CCDC73: variants seen among roughly 807,000 people sequenced by gnomAD.
The protein encoded by CCDC73 is coiled-coil domain-containing protein 73.
In CCDC73, 95 loss-of-function variants were observed where a neutral mutation model predicts 116.5. The observed-to-expected ratio is 0.82, with a 90% CI of 0.69 to 0.97. The LOEUF (loss-of-function observed/expected upper bound fraction) is 0.97, where lower values mean the gene tolerates loss of function less well. Among genes scored for constraint, CCDC73 ranks in the 50% least tolerant of loss-of-function variants. The pLI is 0.00. For synonymous variants in CCDC73, 398 were observed against 401.3 expected (o/e 0.99, Z 0.10); for missense variants, 1,066 against 1,206.8 (o/e 0.88, Z 1.73).
intron 2 of CCDC73, among the ~76,000 whole-genome samples, chr11:32,755,540 TATATATATATATATATATATATGTAC>T (rs1850326075): frequency 9.1e-6 from 1 of 109,520 alleles, no homozygotes; most frequent in Non-Finnish European, 1.8e-5. Context: ...TCTCAAAATA[TATATATATATATATATATATATGTAC>T]ATATATATCC....
At chr11:32,677,268 C>T (rs1300979964) in intron 7 of CCDC73, among the ~76,000 whole-genome samples, 1 of 152,168 alleles carries the variant, frequency 6.6e-6, no homozygotes, top group Non-Finnish European at 1.5e-5. Flanking sequence ...CCACTATTTA[C>T]TTTATTGAAA....
At chr11:32,806,004 CA>C in the CCDC73 span, among the ~76,000 whole-genome samples, 1 of 152,186 alleles carries the variant, frequency 6.6e-6, no homozygotes, top group Admixed American at 6.5e-5. Context: ...TAGCTAATTC[CA>C]AATCTGTGGT....
chr11:32,664,469 G>A (rs765067459), intron 9 of CCDC73, among the ~76,000 whole-genome samples: 2 of 152,188 alleles, frequency 1.3e-5, no homozygotes, highest in African/African-American at 4.8e-5. Context: ...TATTTGCGTA[G>A]AGGTGTTTAT....
chr11:32,757,801 T>C (rs1850356738), intron 2 of CCDC73, among the ~76,000 whole-genome samples: 1 of 152,204 alleles, frequency 6.6e-6, no homozygotes, highest in Non-Finnish European at 1.5e-5. Context: ...CCCTCTTATA[T>C]GAATGCTTAT....
At chr11:32,684,042 T>TTTTG (rs3981867) in intron 6 of CCDC73, among the ~76,000 whole-genome samples, 86,000 of 150,836 alleles carry the variant, frequency 0.57, 24,862 homozygotes, top group East Asian at 0.84. Flanking sequence ...TACTACCAGG[T>TTTTG]TTTGTTTGTT....
At chr11:32,742,177 A>G (rs1027504611) in intron 2 of CCDC73, among the ~76,000 whole-genome samples, 1 of 152,190 alleles carries the variant, frequency 6.6e-6, no homozygotes, top group Non-Finnish European at 1.5e-5. Context: ...TATGCCCAGT[A>G]ATGGCATGGC....
chr11:32,765,266 TAA>T (rs1850430621), intron 1 of CCDC73, among the ~76,000 whole-genome samples: 1 of 152,196 alleles, frequency 6.6e-6, no homozygotes, highest in African/African-American at 2.4e-5. Flanking sequence ...CAAGTGGACC[TAA>T]GAGACATCTA....
chr11:32,736,992 G>GTA (rs145254710), intron 2 of CCDC73, among the ~76,000 whole-genome samples: 21 of 147,808 alleles, frequency 1.4e-4, no homozygotes, highest in African/African-American at 2.7e-4. Context: ...ATGTATATAT[G>GTA]TATATATATA....
intron 2 of CCDC73, among the ~76,000 whole-genome samples, chr11:32,742,834 A>G (rs1008143360): frequency 6.6e-6 from 1 of 152,092 alleles, no homozygotes; most frequent in East Asian, 1.9e-4. Flanking sequence ...ATTTTTGTAT[A>G]AGGTGTAAGG....
intron 12 of CCDC73, among the ~76,000 whole-genome samples, chr11:32,651,176 G>A (rs1034559463): frequency 1.3e-5 from 2 of 151,960 alleles, no homozygotes; most frequent in African/African-American, 4.8e-5. Context: ...CTTCCCATGG[G>A]GCCTTCACCC....
At chr11:32,665,118 G>C (rs1245522282) in intron 9 of CCDC73, among the ~76,000 whole-genome samples, 2 of 152,182 alleles carry the variant, frequency 1.3e-5, no homozygotes, top group African/African-American at 2.4e-5. Context: ...GTGGTGCTGA[G>C]AAAAATGTAT....
At chr11:32,782,604 G>A (rs934496781) in intron 1 of CCDC73, among the ~76,000 whole-genome samples, 19 of 152,108 alleles carry the variant, frequency 1.2e-4, no homozygotes, top group Non-Finnish European at 2.5e-4. Context: ...AAAAGACAAA[G>A]ATTAAAACAA....
chr11:32,607,955 G>A (rs988993444), intron 17 of CCDC73, among the ~76,000 whole-genome samples: 1 of 152,190 alleles, frequency 6.6e-6, no homozygotes, highest in Admixed American at 6.5e-5. Flanking sequence ...AAAGCCATCT[G>A]ATCTCATGAG....
chr11:32,766,766 A>G (rs1333957031), intron 1 of CCDC73, among the ~76,000 whole-genome samples: 4 of 152,216 alleles, frequency 2.6e-5, no homozygotes, highest in Non-Finnish European at 5.9e-5. Context: ...CTTACAAGGG[A>G]CATGAAGGAC....
At chr11:32,827,032 T>G in the CCDC73 span, among the ~76,000 whole-genome samples, 2 of 151,936 alleles carry the variant, frequency 1.3e-5, no homozygotes, top group South Asian at 2.1e-4. Context: ...TGGCTAATTT[T>G]TTTTTGTATT....
chr11:32,755,881 G>A (rs183677383), intron 2 of CCDC73, among the ~76,000 whole-genome samples: 39,146 of 58,236 alleles, frequency 0.67, 13,803 homozygotes, highest in East Asian at 0.91. Flanking sequence ...ATATATATCT[G>A]TGTATATATC....
chr11:32,758,294 T>A, intron 2 of CCDC73: 2 of 488,768 alleles, frequency 4.1e-6, no homozygotes, highest in Admixed American at 4.1e-5. Flanking sequence ...CGTATCATCA[T>A]GGGCTTTCCT....
intron 6 of CCDC73, among the ~76,000 whole-genome samples, chr11:32,691,048 T>C (rs1467943203): frequency 7.2e-6 from 1 of 138,206 alleles, no homozygotes; most frequent in Non-Finnish European, 1.5e-5. Flanking sequence ...TGGCAACCAC[T>C]TTTTTTTTTT....
chr11:32,766,076 G>A (rs1335350707), intron 1 of CCDC73, among the ~76,000 whole-genome samples: 4 of 152,116 alleles, frequency 2.6e-5, no homozygotes, highest in East Asian at 3.8e-4. Flanking sequence ...CTGGCAAACC[G>A]AATCCAGCAG....
Sources: allele counts gnomAD v4.1 joint callset (sites outside exome capture counted in the v4.1 genomes callset), GRCh38; gene constraint gnomAD v4.1.1; transcripts MANE v1.5; gene names NCBI Gene and HGNC (gene_info 2026-07-23, HGNC 2026-07-21).